Variants in TRIM22 observed in about 807,000 individuals in gnomAD.
The protein encoded by TRIM22 is tripartite motif containing 22, also known as E3 ubiquitin-protein ligase TRIM22.
In TRIM22, 45 loss-of-function variants were observed where a neutral mutation model predicts 53.6. That is an observed-to-expected ratio of 0.84 (90% CI 0.66 to 1.08). The LOEUF (loss-of-function observed/expected upper bound fraction) is 1.08. TRIM22 is among the 50% of genes least tolerant of loss of function. The pLI is 0.00. For synonymous variants in TRIM22, 225 were observed against 216.6 expected (o/e 1.04, Z -0.34); for missense variants, 616 against 590.9 (o/e 1.04, Z -0.44).
At chr11:5,707,926 G>A (rs1321620155) in intron 5 of TRIM22, among the ~76,000 whole-genome samples, 3 of 152,166 alleles carry the variant, frequency 2.0e-5, no homozygotes, top group Non-Finnish European at 4.4e-5. Context: ...GTAAGAAAGC[G>A]AACATCGTTG....
chr11:5,699,054 T>C (rs1444592920), intron 4 of TRIM22, among the ~76,000 whole-genome samples: 1 of 152,258 alleles, frequency 6.6e-6, no homozygotes, highest in East Asian at 1.9e-4. Context: ...ATTTTGCTCT[T>C]ATTGCTAATA....
chr11:5,694,348 T>C (rs1180215231), intron 1 of TRIM22, among the ~76,000 whole-genome samples: 1 of 152,248 alleles, frequency 6.6e-6, no homozygotes, highest in African/African-American at 2.4e-5. Context: ...TCTTTTCCTC[T>C]TCCCAAAATA....
chr11:5,709,519 T>C lies in TRIM22; in HGVS notation c.1368T>C (p.Phe456=), dbSNP rs780633198. ...FLDYEAGIVS[F]FNVTNHGALI... ...ACTATGAGGCAGGCATTGTCTCATT[T>C]TTCAATGTCACAAACCACGGAGCAC... The change falls in exon 8 of 8, where the codon TTT becomes TTC. Residue 456 remains phenylalanine (F), a synonymous_variant. Coordinates refer to ENST00000379965, the MANE Select transcript of TRIM22 (RefSeq NM_006074.5). The C allele has an allele frequency of 1.2e-6, 2 of 1,614,216 alleles. No homozygotes were observed. The highest frequency in any genetic ancestry group is 1.7e-6 in the Non-Finnish European group (2 of 1,180,044).
At chr11:5,702,218 G>A (rs1853385400) in intron 4 of TRIM22, among the ~76,000 whole-genome samples, 1 of 141,804 alleles carries the variant, frequency 7.1e-6, no homozygotes, top group South Asian at 2.2e-4. Flanking sequence ...TACATAACTA[G>A]TATACATAAC....
At position 5,694,767 on chromosome 11, in the gene TRIM22, A is replaced by T. The variant is rs538782076; in HGVS notation, c.-66-1400A>T. Reference sequence around the variant, plus strand: ...TGCTTATAAAATTGTTCATGATAAAATTATTTTCCTATTATGGTGTTGGTG... The same window carrying T: ...TGCTTATAAAATTGTTCATGATAAATTTATTTTCCTATTATGGTGTTGGTG... On this transcript the variant is annotated intron_variant, in intron 1 of 7. Coordinates refer to ENST00000379965, the MANE Select transcript of TRIM22 (RefSeq NM_006074.5). 4.6e-5 allele frequency among the ~76,000 whole-genome samples: 7 copies of T among 152,282 alleles called. 1 individual carries two copies. In the South Asian group the frequency reaches 1.5e-3, roughly 32 times the overall value.
chr11:5,709,489 C>T lies in TRIM22; in HGVS notation c.1338C>T (p.Phe446=). The T allele has an allele frequency of 6.2e-7, 1 of 1,614,144 alleles. No homozygotes were observed. The highest frequency in any genetic ancestry group is 8.5e-7 in the Non-Finnish European group (1 of 1,180,026). The stretch of plus-strand genomic sequence containing the variant: ...TGCCTCCCTGTCGTATTGGGGTTTT[C>T]CTAGACTATGAGGCAGGCATTGTCT... ...MAVPPCRIGV[F]LDYEAGIVSF... Residue 446 remains phenylalanine (F), a synonymous_variant, in exon 8 of 8, where the codon TTC becomes TTT. Transcript: ENST00000379965.
At chr11:5,693,057 T>C (rs1036992577) in intron 1 of TRIM22, among the ~76,000 whole-genome samples, 3 of 151,566 alleles carry the variant, frequency 2.0e-5, no homozygotes, top group African/African-American at 7.3e-5. Context: ...TGTATATATA[T>C]ATATTTTTTA....
At chr11:5,691,463 A>C (rs1853171339) in intron 1 of TRIM22, among the ~76,000 whole-genome samples, 1 of 152,204 alleles carries the variant, frequency 6.6e-6, no homozygotes, top group African/African-American at 2.4e-5. Flanking sequence ...GTCCATCTTT[A>C]ACTACCAGGT....
chr11:5,704,258 T>A (rs990853174), intron 4 of TRIM22, among the ~76,000 whole-genome samples: 3 of 152,098 alleles, frequency 2.0e-5, no homozygotes, highest in Admixed American at 1.3e-4. Context: ...TCTTTCTTTT[T>A]TTTTCTTTAT....
Position 5,710,226 on chromosome 11 carries a change from A to G in TRIM22, c.*578A>G, listed in dbSNP as rs1388181439. The G allele has an allele frequency of 6.6e-6, 1 of 152,160 alleles. No individual in the cohort carries two copies. The highest frequency in any genetic ancestry group is 2.4e-5 in the African/African-American group (1 of 41,374). 9.4% of individuals were successfully genotyped at this position (152,160 alleles called of 1,614,324 possible). A position where few individuals can be genotyped will look rare whatever the true frequency, so the allele number is the denominator to read the frequency against. On this transcript the variant is annotated 3_prime_UTR_variant, in exon 8 of 8. Transcript: ENST00000379965. ...TTCTTGCAAGAGATGCTTGTACATT[A>G]TTTTCCTAATACCTTGGTTTCACTA...
At chr11:5,706,070 A>G (rs959392568) in intron 4 of TRIM22, among the ~76,000 whole-genome samples, 1 of 152,208 alleles carries the variant, frequency 6.6e-6, no homozygotes, top group Non-Finnish European at 1.5e-5. Context: ...GGGCAAACGT[A>G]TTTCGCTGTT....
At chr11:5,697,721 T>G (rs1378613953) in intron 3 of TRIM22, 1 of 188,820 alleles carries the variant, frequency 5.3e-6, no homozygotes, top group African/African-American at 2.4e-5. Flanking sequence ...GTTTGTTTTT[T>G]GAGACAGAGT....
chr11:5,707,475 TA>T (rs1370418356), intron 5 of TRIM22, among the ~76,000 whole-genome samples: 2 of 152,194 alleles, frequency 1.3e-5, no homozygotes, highest in East Asian at 3.8e-4. Context: ...ATGACTTTTC[TA>T]AATATTAAAT....
chr11:5,693,442 C>A (rs372479294), intron 1 of TRIM22, among the ~76,000 whole-genome samples: 1 of 151,292 alleles, frequency 6.6e-6, no homozygotes, highest in Admixed American at 6.6e-5. Context: ...ATGAATAGGC[C>A]GGGCGCGGTG....
At chr11:5,697,649 T>G (rs1474077784) in intron 3 of TRIM22, 1 of 295,332 alleles carries the variant, frequency 3.4e-6, no homozygotes, top group Non-Finnish European at 6.3e-6. Flanking sequence ...GTAAACACCC[T>G]GGAGAAAGAC....
rs560386506 is a variant in TRIM22, at chr11:5,694,246, G to A, written c.-66-1921G>A. Among the ~76,000 whole-genome samples, 8 of 152,256 alleles carry A rather than the reference G, an allele frequency of 5.3e-5. No individual in the cohort carries two copies. The South Asian group carries it at 1.7e-3, about 32-fold the overall frequency. On this transcript the variant is annotated intron_variant, in intron 1 of 7. Coordinates refer to ENST00000379965, the MANE Select transcript of TRIM22 (RefSeq NM_006074.5). ...TCTCAATGTACTTGGCCTCCTTTAT[G>A]GATTGAGACTTTTCTCCCATGACCA...
intron 4 of TRIM22, among the ~76,000 whole-genome samples, chr11:5,699,609 G>A (rs115623709): frequency 0.012 from 1,652 of 134,276 alleles, 51 homozygotes; most frequent in African/African-American, 0.039. Context: ...TTAAGTTGTC[G>A]TACTATTTTC....
chr11:5,691,978 C>G (rs1853179957), intron 1 of TRIM22, among the ~76,000 whole-genome samples: 1 of 151,742 alleles, frequency 6.6e-6, no homozygotes, highest in Non-Finnish European at 1.5e-5. Flanking sequence ...ATATTTTTGA[C>G]TAAATTCACA....
In TRIM22 at chr11:5,709,134, C is replaced by A. The variant is rs1853514901; in HGVS notation, c.983C>A (p.Thr328Asn). The A allele has an allele frequency of 6.2e-7, 1 of 1,614,150 alleles. No individual in the cohort carries two copies. Among genetic ancestry groups the A allele is most frequent in the African/African-American group, 1.3e-5 (1 of 75,012 alleles). Reference sequence around the variant, plus strand: ...CAGAGACAAGTGAAAACTGTACGCACCTGCACATTTAAGAATTCAAATCCA... The same window carrying A: ...CAGAGACAAGTGAAAACTGTACGCAACTGCACATTTAAGAATTCAAATCCA... The part of the protein sequence containing the change: ...VDQRQVKTVR[T>N]CTFKNSNPCD... Residue 328 changes from threonine (T) to asparagine (N), a missense_variant, in exon 8 of 8, where the codon ACC becomes AAC. Thr to Asn is a moderately conservative substitution (Grantham distance 65). Transcript: ENST00000379965.
Sources: allele counts gnomAD v4.1 joint callset (sites outside exome capture counted in the v4.1 genomes callset), GRCh38; gene constraint gnomAD v4.1.1; transcripts MANE v1.5; gene names NCBI Gene and HGNC (gene_info 2026-07-23, HGNC 2026-07-21).